The following NKAIN2 variants were observed in gnomAD, a reference collection of about 807,000 sequenced individuals.
NKAIN2 encodes the protein sodium/potassium-transporting ATPase subunit beta-1-interacting protein 2.
In NKAIN2, 14 loss-of-function variants were observed where a neutral mutation model predicts 32.6. That is an observed-to-expected ratio of 0.43 (90% confidence interval 0.28 to 0.67). The LOEUF (loss-of-function observed/expected upper bound fraction) is 0.67. Among genes scored for constraint, NKAIN2 ranks in the 30% least tolerant of loss-of-function variants. NKAIN2 has a pLI of 0.17. For missense variants in NKAIN2, 198 were observed against 258.3 expected (o/e 0.77, Z 1.60); for synonymous variants, 80 against 87.2 (o/e 0.92, Z 0.46).
intron 1 of NKAIN2, among the ~76,000 whole-genome samples, chr6:124,090,387 G>A (rs1784362789): frequency 6.6e-6 from 1 of 151,952 alleles, no homozygotes; most frequent in African/African-American, 2.4e-5. Context: ...TGGCGGTGGG[G>A]AGTAAACTTT....
chr6:123,906,144 C>A (rs1409549175), intron 1 of NKAIN2, among the ~76,000 whole-genome samples: 1 of 152,126 alleles, frequency 6.6e-6, no homozygotes, highest in Non-Finnish European at 1.5e-5. Flanking sequence ...TTTGTAAAAT[C>A]TTCCTTGATC....
intron 1 of NKAIN2, among the ~76,000 whole-genome samples, chr6:123,976,358 T>TTCCC (rs1413654440): frequency 1.7e-4 from 6 of 35,220 alleles, no homozygotes; most frequent in South Asian, 7.6e-4. Flanking sequence ...CATATATATA[T>TTCCC]ATATATATAT....
intron 1 of NKAIN2, among the ~76,000 whole-genome samples, chr6:123,984,601 A>T (rs1013419008): frequency 5.3e-5 from 8 of 152,188 alleles, no homozygotes; most frequent in African/African-American, 1.9e-4. Flanking sequence ...ATGAAAATTG[A>T]TCATACCTCT....
At chr6:123,867,742 C>T (rs1772612462) in intron 1 of NKAIN2, among the ~76,000 whole-genome samples, 1 of 152,118 alleles carries the variant, frequency 6.6e-6, no homozygotes, top group African/African-American at 2.4e-5. Flanking sequence ...TTCCTCTTCT[C>T]TGAATCTTTC....
intron 1 of NKAIN2, among the ~76,000 whole-genome samples, chr6:124,217,194 G>A (rs564671081): frequency 6.6e-6 from 1 of 152,246 alleles, no homozygotes; most frequent in South Asian, 2.1e-4. Context: ...CTCAGTACTT[G>A]AAAGTGGTGG....
chr6:124,717,984 TC>T (rs1314947523), intron 4 of NKAIN2, among the ~76,000 whole-genome samples: 1 of 152,158 alleles, frequency 6.6e-6, no homozygotes, highest in African/African-American at 2.4e-5. Context: ...TAAGGGATCA[TC>T]TAATTAACAG....
chr6:124,452,188 T>C (rs889082899), intron 3 of NKAIN2, among the ~76,000 whole-genome samples: 3 of 102,690 alleles, frequency 2.9e-5, no homozygotes, highest in Non-Finnish European at 6.7e-5. Flanking sequence ...GAGCAAGACA[T>C]CATCTCGAAA....
intron 1 of NKAIN2, among the ~76,000 whole-genome samples, chr6:123,971,257 G>C (rs933546214): frequency 6.6e-6 from 1 of 151,908 alleles, no homozygotes; most frequent in African/African-American, 2.4e-5. Flanking sequence ...CTCTTACAAG[G>C]CACTATTTAG....
At chr6:123,994,293 G>A (rs1174557909) in intron 1 of NKAIN2, among the ~76,000 whole-genome samples, 1 of 150,824 alleles carries the variant, frequency 6.6e-6, no homozygotes, top group East Asian at 1.9e-4. Flanking sequence ...AGGCTGTTTT[G>A]TTTTTGTTTG....
At chr6:124,568,081 G>C (rs1007781228) in intron 3 of NKAIN2, among the ~76,000 whole-genome samples, 1 of 152,186 alleles carries the variant, frequency 6.6e-6, no homozygotes, top group African/African-American at 2.4e-5. Context: ...TAAGGCTTAG[G>C]TTTGGAACTG....
At position 124,497,824 on chromosome 6, in the gene NKAIN2, TA is replaced by T. The variant is rs33913104; in HGVS notation, c.273+142498del. Among the ~76,000 whole-genome samples the T allele has an allele frequency of 9.5e-3, 1,009 of 105,684 alleles. 9 individuals carry two copies. Among genetic ancestry groups the T allele is most frequent in the African/African-American group, 0.03 (845 of 28,010 alleles). 69.3% of individuals were successfully genotyped at this position (105,684 alleles called of 152,430 possible). A position where few individuals can be genotyped will look rare whatever the true frequency, so the allele number is the denominator to read the frequency against. ...TTAGATTTGTTTCTAGAGTAAGGGG[TA>T]AAAAAAAAAAAAAAAAAAAAGACAA... On this transcript the variant is annotated intron_variant, in intron 3 of 6. Coordinates refer to ENST00000368417, the MANE Select transcript of NKAIN2 (RefSeq NM_001040214.3).
In NKAIN2 at chr6:124,680,029, C is replaced by T. The variant is rs562031866; in HGVS notation, c.474+21643C>T. 9.2e-5 allele frequency among the ~76,000 whole-genome samples: 14 copies of T among 152,108 alleles called. No individual in the cohort carries two copies. In the South Asian group the frequency reaches 2.9e-3, roughly 32 times the overall value. ...AGATATCATTATTTATTACGATGAG[C>T]CACCAAAATTTTCTTATAATTCTCT... On this transcript the variant is annotated intron_variant, in intron 4 of 6. Transcript: ENST00000368417.
At chr6:124,589,086 G>A (rs1475032947) in intron 3 of NKAIN2, among the ~76,000 whole-genome samples, 1 of 152,050 alleles carries the variant, frequency 6.6e-6, no homozygotes, top group Non-Finnish European at 1.5e-5. Context: ...AACCAGAAAA[G>A]TATATACTTA....
At chr6:124,615,403 C>T (rs1782848961) in intron 3 of NKAIN2, among the ~76,000 whole-genome samples, 1 of 152,150 alleles carries the variant, frequency 6.6e-6, no homozygotes, top group Non-Finnish European at 1.5e-5. Context: ...AAATACTCTT[C>T]AGAATACGAT....
At chr6:123,941,100 C>G (rs1403166949) in intron 1 of NKAIN2, among the ~76,000 whole-genome samples, 2 of 151,644 alleles carry the variant, frequency 1.3e-5, no homozygotes, top group Admixed American at 6.6e-5. Flanking sequence ...CACACATTAG[C>G]CTAGGCCTCT....
intron 2 of NKAIN2, among the ~76,000 whole-genome samples, chr6:124,333,992 TA>T (rs1161970371): frequency 1.3e-5 from 2 of 152,210 alleles, no homozygotes; most frequent in African/African-American, 2.4e-5. Context: ...TTGACCATTT[TA>T]AAAAAAAGTT....
chr6:124,696,679 T>A (rs1485363093), intron 4 of NKAIN2, among the ~76,000 whole-genome samples: 2 of 152,150 alleles, frequency 1.3e-5, no homozygotes, highest in Non-Finnish European at 2.9e-5. Flanking sequence ...ACCTCAAGCA[T>A]GTTTAGGTGT....
intron 1 of NKAIN2, among the ~76,000 whole-genome samples, chr6:123,937,007 G>A (rs1402469719): frequency 6.6e-6 from 1 of 151,978 alleles, no homozygotes; most frequent in Non-Finnish European, 1.5e-5. Flanking sequence ...AAAACAATCA[G>A]GTCTGTGACT....
chr6:124,660,510 G>C (rs542261812), intron 4 of NKAIN2, among the ~76,000 whole-genome samples: 98 of 152,338 alleles, frequency 6.4e-4, no homozygotes, highest in African/African-American at 2.3e-3. Flanking sequence ...AGAGTGCAAA[G>C]AAGATGGATG....
Sources: allele counts gnomAD v4.1 joint callset (sites outside exome capture counted in the v4.1 genomes callset), GRCh38; gene constraint gnomAD v4.1.1; transcripts MANE v1.5; gene names NCBI Gene and HGNC (gene_info 2026-07-23, HGNC 2026-07-21).